Variants in MROH7 observed in about 807,000 individuals in gnomAD.
MROH7 encodes maestro heat like repeat family member 7, also known as maestro heat-like repeat-containing protein family member 7.
MROH7 carries 113 observed loss-of-function variants against 129.2 expected under a neutral mutation model. The ratio of observed to expected loss-of-function variants is 0.87; its 90% CI spans 0.75 to 1.02. The LOEUF (loss-of-function observed/expected upper bound fraction) is 1.02, where lower values mean the gene tolerates loss of function less well. Among genes scored for constraint, MROH7 ranks in the 50% least tolerant of loss-of-function variants. The probability of loss-of-function intolerance (pLI) is 0.00; values close to 1 mark genes in which losing one functional copy is unlikely to be tolerated. For synonymous variants in MROH7, 655 were observed against 667.9 expected (o/e 0.98, Z 0.30); for missense variants, 1,601 against 1,671.3 (o/e 0.96, Z 0.73).
At chr1:54,645,329 A>G (rs1378659484) in intron 1 of MROH7, among the ~76,000 whole-genome samples, 2 of 151,552 alleles carry the variant, frequency 1.3e-5, no homozygotes, top group African/African-American at 4.9e-5. Flanking sequence ...ACTGGAGTGC[A>G]GTGGTAGTGG....
At chr1:54,644,413 G>A (rs1644432056) in intron 1 of MROH7, among the ~76,000 whole-genome samples, 1 of 151,066 alleles carries the variant, frequency 6.6e-6, no homozygotes, top group Non-Finnish European at 1.5e-5. Context: ...CATGATTTTG[G>A]CTCACTGCAA....
At chr1:54,696,138 T>C (rs188359444) in intron 17 of MROH7, among the ~76,000 whole-genome samples, 1 of 152,312 alleles carries the variant, frequency 6.6e-6, no homozygotes, top group Non-Finnish European at 1.5e-5. Flanking sequence ...GGTCTCATAC[T>C]AATCTTATGA....
At chr1:54,660,058 T>C (rs1644709234) in intron 3 of MROH7, among the ~76,000 whole-genome samples, 1 of 152,230 alleles carries the variant, frequency 6.6e-6, no homozygotes, top group African/African-American at 2.4e-5. Context: ...TTAAGAGATA[T>C]TGCCAAACAG....
chr1:54,686,350 T>C lies in MROH7; in HGVS notation c.2613T>C (p.Ile871=), dbSNP rs768923420. 6.2e-7 allele frequency: 1 copy of C among 1,614,116 alleles called. No individual in the cohort carries two copies. Residue 871 remains isoleucine (I), a synonymous_variant, in exon 15 of 24, where the codon ATT becomes ATC. Coordinates refer to ENST00000421030, the MANE Select transcript of MROH7 (RefSeq NM_001039464.4). ...CTCAGCTGCTCCTGGCCCTGCTCAT[T>C]CAGGTCCATTACCACATCGGCCTCA... ...IYPQLLLALL[I]QVHYHIGLNL...
At chr1:54,645,651 C>CTT (rs780480424) in intron 1 of MROH7, among the ~76,000 whole-genome samples, 35,286 of 107,082 alleles carry the variant, frequency 0.33, 5,674 homozygotes, top group Middle Eastern at 0.38. Flanking sequence ...TTCTTTCTTT[C>CTT]TTTCTTTTTT....
At chr1:54,666,406 A>G (rs1644815036) in intron 4 of MROH7, among the ~76,000 whole-genome samples, 1 of 141,396 alleles carries the variant, frequency 7.1e-6, no homozygotes, top group Non-Finnish European at 1.5e-5. Context: ...AACAGGTTAT[A>G]GGAGGCGGGA....
chr1:54,667,451 T>C (rs1644831082), intron 4 of MROH7, among the ~76,000 whole-genome samples: 1 of 141,640 alleles, frequency 7.1e-6, no homozygotes, highest in African/African-American at 2.6e-5. Context: ...TGAGACCCAG[T>C]GTTTACAATT....
At chr1:54,692,323 G>T in intron 15 of MROH7, 101 bp from the exon 16 acceptor site, 1 of 1,468,264 alleles carries the variant, frequency 6.8e-7, no homozygotes, top group Non-Finnish European at 9.3e-7. Context: ...ATGGTGAAGA[G>T]AAGTTTGTCG....
intron 7 of MROH7, among the ~76,000 whole-genome samples, chr1:54,672,425 T>G (rs941386441): frequency 6.6e-6 from 1 of 151,716 alleles, no homozygotes; most frequent in Non-Finnish European, 1.5e-5. Context: ...TCAGAGTAAC[T>G]CAAACCCACT....
intron 3 of MROH7, among the ~76,000 whole-genome samples, chr1:54,655,015 A>ATTT (rs71045202): frequency 2.2e-5 from 3 of 136,424 alleles, no homozygotes; most frequent in Admixed American, 7.4e-5. Context: ...TGAGAATCCT[A>ATTT]TTTTTTTTTT....
At chr1:54,663,684 C>CT (rs1199542734) in intron 3 of MROH7, 1 of 338,778 alleles carries the variant, frequency 3.0e-6, no homozygotes, top group South Asian at 2.0e-5. Context: ...CCCATCAGCT[C>CT]TAAAAAAAAA....
chr1:54,663,975 T>C, intron 3 of MROH7: 1 of 326,990 alleles, frequency 3.1e-6, no homozygotes, highest in South Asian at 2.5e-5. Flanking sequence ...CCAGTGACCT[T>C]GTCCTCAGAA....
chr1:54,677,962 A>T (rs559580616), intron 10 of MROH7, among the ~76,000 whole-genome samples: 1 of 152,332 alleles, frequency 6.6e-6, no homozygotes, highest in Admixed American at 6.5e-5. Context: ...AAAGTAGAAA[A>T]GGATTGGTAC....
Position 54,673,127 on chromosome 1 carries a change from C to A in MROH7, c.1636C>A (p.Leu546Met). 6.2e-7 allele frequency: 1 copy of A among 1,613,994 alleles called. No homozygotes were observed. ...TCAGACCCTGGAGGCCCTGCAGACA[C>A]TGCTCAAAGCCCTCTTTATCGAGGA... ...YHQTLEALQT[L>M]LKALFIEDPT... The change falls in exon 8 of 24, where the codon CTG becomes ATG. Residue 546 changes from leucine (L) to methionine (M), a missense_variant. Transcript: ENST00000421030.
intron 17 of MROH7, 28 bp downstream of exon 17, chr1:54,695,518 CG>C: frequency 6.8e-7 from 1 of 1,478,638 alleles, no homozygotes; most frequent in Non-Finnish European, 9.4e-7. Context: ...GGGTACACAG[CG>C]GGAGCTCCTC....
chr1:54,689,655 T>C (rs1227335806), intron 15 of MROH7, among the ~76,000 whole-genome samples: 1 of 152,190 alleles, frequency 6.6e-6, no homozygotes, highest in East Asian at 1.9e-4. Flanking sequence ...TGAGAGCTTG[T>C]CCTGTGAAGC....
At chr1:54,646,269 C>T (rs58925392) in intron 1 of MROH7, among the ~76,000 whole-genome samples, 3,148 of 152,314 alleles carry the variant, frequency 0.021, 101 homozygotes, top group Admixed American at 0.094. Context: ...GTCACTGCTC[C>T]AGGTATGGAG....
chr1:54,668,866 A>T lies in MROH7; in HGVS notation c.1318A>T (p.Thr440Ser). The T allele has an allele frequency of 4.3e-6, 7 of 1,613,414 alleles. No homozygotes were observed. Among genetic ancestry groups the T allele is most frequent in the Non-Finnish European group, 5.9e-6 (7 of 1,179,690 alleles). ...TGCTGTCCCCTAGGTTGAGAATGTC[A>T]CCACCCTTCAGAAGAGCCAGGATCT... ...GNNMALVENV[T>S]TLQKSQDLLE... The change falls in exon 5 of 24, where the codon ACC (threonine) becomes TCC (serine). Residue 440 changes from threonine (T) to serine (S), a missense_variant. Physicochemically the swap from Thr to Ser is moderately conservative, Grantham distance 58. Transcript: ENST00000421030.
Position 54,699,213 on chromosome 1 carries a change from CTCTT to C in MROH7, c.2965-1100_2965-1097del, listed in dbSNP as rs1409778743. 4.0e-5 allele frequency: 5 copies of C among 125,336 alleles called. No individual in the cohort carries two copies. In the East Asian group the frequency reaches 6.6e-4, roughly 17 times the overall value. 7.8% of individuals were successfully genotyped at this position (125,336 alleles called of 1,614,324 possible). A position where few individuals can be genotyped will look rare whatever the true frequency, so the allele number is the denominator to read the frequency against. ...TCTTTCTTTCTTTCTTTCTCTCCCT[CTCTT>C]TCTTTCTCCTTTCTTCCTTCTTTCC... On this transcript the variant is annotated intron_variant, in intron 17 of 23. Transcript: ENST00000421030.
Sources: allele counts gnomAD v4.1 joint callset (sites outside exome capture counted in the v4.1 genomes callset), GRCh38; gene constraint gnomAD v4.1.1; transcripts MANE v1.5; gene names NCBI Gene and HGNC (gene_info 2026-07-23, HGNC 2026-07-21).